SULF2: variants seen among roughly 807,000 people sequenced by gnomAD.
SULF2 encodes the protein sulfatase 2, also known as extracellular sulfatase Sulf-2.
Under a neutral mutation model 107.7 loss-of-function variants are expected in SULF2, and 52 were observed. That is an observed-to-expected ratio of 0.48 (90% CI 0.39 to 0.61). The LOEUF is 0.61. SULF2 is among the 20% of genes least tolerant of loss of function. The pLI is 0.00. For synonymous variants in SULF2, 460 were observed against 464.3 expected (o/e 0.99, Z 0.12); for missense variants, 993 against 1,177.3 (o/e 0.84, Z 2.29).
intron 4 of SULF2, among the ~76,000 whole-genome samples, chr20:47,701,325 T>C (rs2088561388): frequency 1.3e-5 from 2 of 152,182 alleles, no homozygotes; most frequent in African/African-American, 4.8e-5. Context: ...CTCTATGTCT[T>C]GATCGGAGCC....
At chr20:47,742,537 C>A (rs931037804) in intron 2 of SULF2, among the ~76,000 whole-genome samples, 1 of 152,110 alleles carries the variant, frequency 6.6e-6, no homozygotes, top group Non-Finnish European at 1.5e-5. Context: ...CCCAAACCAC[C>A]CAACTGCTAG....
chr20:47,668,614 C>T (rs190854027), intron 11 of SULF2, among the ~76,000 whole-genome samples: 1 of 152,356 alleles, frequency 6.6e-6, no homozygotes, highest in African/African-American at 2.4e-5. Context: ...GGTAACTTCT[C>T]AGGATGGTGC....
rs192092720 is a variant in SULF2 at position 47,776,756 on chromosome 20, C to T, written c.-101+8587G>A. The stretch of plus-strand genomic sequence containing the variant: ...GGTCCCTGCCGTGGCATAAAGGGGA[C>T]GATCCTTCCTCTGCAAGCAATGCTA... On this transcript the variant is annotated intron_variant, in intron 1 of 20. Coordinates refer to ENST00000688720, the MANE Select transcript of SULF2 (RefSeq NM_001387048.1). 3.3e-5 allele frequency among the ~76,000 whole-genome samples: 5 copies of T among 152,306 alleles called. No individual in the cohort carries two copies. In the East Asian group the frequency reaches 5.8e-4, roughly 18 times the overall value.
chr20:47,687,631 C>T lies in SULF2; in HGVS notation c.737+2495G>A, dbSNP rs180863999. Among the ~76,000 whole-genome samples, 6 of 151,824 alleles carry T rather than the reference C, an allele frequency of 4.0e-5. No homozygotes were observed. The East Asian group carries it at 7.7e-4, about 20-fold the overall frequency. On this transcript the variant is annotated intron_variant, in intron 5 of 20. Transcript: ENST00000688720. ...GGCACGCCTGTGTGTATCTTTGTAT[C>T]TCTGCCTATGTCTTTGTTTGCGTGT... is the stretch of plus-strand genomic sequence containing the variant.
rs1193330564 is a variant in SULF2, at chr20:47,785,448, C to CGCT, written c.-209_-207dup. 1.9e-4 allele frequency: 28 copies of CGCT among 150,798 alleles called. No homozygotes were observed. The highest frequency in any genetic ancestry group is 3.6e-4 in the South Asian group (2 of 5,506). 9.3% of individuals were successfully genotyped at this position (150,798 alleles called of 1,614,324 possible). ...GCAGGGGACTCCGCGCCGCCGCTGC[C>CGCT]GCTGCCGCCGCCGCCGCCGCCGCTG... is the stretch of plus-strand genomic sequence containing the variant. On this transcript the variant is annotated 5_prime_UTR_variant, in exon 1 of 21. Transcript: ENST00000688720.
chr20:47,713,980 C>T (rs1029022472), intron 3 of SULF2, among the ~76,000 whole-genome samples: 3 of 151,872 alleles, frequency 2.0e-5, no homozygotes, highest in South Asian at 2.1e-4. Flanking sequence ...ACAGTGAAGT[C>T]GGCTGAGCAT....
rs1568941808 is a variant in SULF2, at chr20:47,785,454, C to CCGCCGCT, written c.-213_-212insAGCGGCG. The CCGCCGCT allele has an allele frequency of 6.5e-6, 1 of 153,296 alleles. No homozygotes were observed. The highest frequency in any genetic ancestry group is 1.8e-4 in the South Asian group (1 of 5,686). 9.5% of individuals were successfully genotyped at this position (153,296 alleles called of 1,614,324 possible). ...GACTCCGCGCCGCCGCTGCCGCTGC[C>CCGCCGCT]GCCGCCGCCGCCGCCGCTGCCGCTG... On this transcript the variant is annotated 5_prime_UTR_variant, in exon 1 of 21. Transcript: ENST00000688720.
At position 47,677,146 on chromosome 20, in the gene SULF2, C is replaced by T; in HGVS notation, c.1194-12G>A. The T allele has an allele frequency of 6.2e-7, 1 of 1,613,324 alleles. No individual in the cohort carries two copies. Among genetic ancestry groups the T allele is most frequent in the Non-Finnish European group, 8.5e-7 (1 of 1,179,808 alleles). On this transcript the variant is annotated splice_polypyrimidine_tract_variant and intron_variant, in intron 8 of 20. Transcript: ENST00000688720. ...TTTTCAAGTGAAACCTGGAAAAAAG[C>T]ACGGCTCCTGCTTCTCAGCAACATG...
At chr20:47,717,223 C>T (rs2089150272) in intron 3 of SULF2, among the ~76,000 whole-genome samples, 2 of 152,172 alleles carry the variant, frequency 1.3e-5, no homozygotes, top group Admixed American at 1.3e-4. Context: ...CTGGTTTAGA[C>T]GATGACCTAC....
intron 3 of SULF2, among the ~76,000 whole-genome samples, chr20:47,719,147 C>T (rs759648557): frequency 1.1e-4 from 17 of 152,178 alleles, no homozygotes; most frequent in Admixed American, 2.0e-4. Flanking sequence ...TTTGAGCCAG[C>T]GCTACTTCGA....
chr20:47,764,893 G>A (rs916801770), intron 1 of SULF2, among the ~76,000 whole-genome samples: 2 of 152,134 alleles, frequency 1.3e-5, no homozygotes, highest in African/African-American at 4.8e-5. Flanking sequence ...GTGACCTCAC[G>A]CCACCCTTAC....
chr20:47,769,715 C>G (rs1380982558), intron 1 of SULF2, among the ~76,000 whole-genome samples: 2 of 152,132 alleles, frequency 1.3e-5, no homozygotes, highest in Non-Finnish European at 2.9e-5. Context: ...GATCAGACAC[C>G]AAAATAAATT....
chr20:47,686,169 G>A (rs2087996320), intron 5 of SULF2: 1 of 152,244 alleles, frequency 6.6e-6, no homozygotes, highest in Non-Finnish European at 1.5e-5. Flanking sequence ...AATCACGGGT[G>A]ACTCCACGGC....
rs895689516 is a variant in SULF2, at chr20:47,666,645, G to A, written c.1577-157C>T. On this transcript the variant is annotated intron_variant, in intron 11 of 20. Coordinates refer to ENST00000688720, the MANE Select transcript of SULF2 (RefSeq NM_001387048.1). The surrounding 1 kb of genome is among the most constrained non-coding windows in gnomAD (Gnocchi z 5.4). ...GGTCGTGGAATCTACCCGCCTGCTC[G>A]CAGATCCTGGACCGCAGGGGAGGGC... Among the ~76,000 whole-genome samples the A allele has an allele frequency of 2.6e-5, 4 of 152,202 alleles. No homozygotes were observed. Among genetic ancestry groups the A allele is most frequent in the African/African-American group, 4.8e-5 (2 of 41,448 alleles).
At chr20:47,751,418 T>C (rs1013724796) in intron 2 of SULF2, among the ~76,000 whole-genome samples, 2 of 152,246 alleles carry the variant, frequency 1.3e-5, no homozygotes, top group Non-Finnish European at 2.9e-5. Context: ...CCCCTGAATC[T>C]GGTTGACCAG....
At chr20:47,690,010 G>A in intron 5 of SULF2, 116 bp downstream of exon 5, 1 of 1,046,476 alleles carries the variant, frequency 9.6e-7, no homozygotes, top group Non-Finnish European at 1.2e-6. Flanking sequence ...CTTTAAACCA[G>A]GAGGATTAGA....
At chr20:47,761,295 C>G (rs2090413693) in intron 1 of SULF2, among the ~76,000 whole-genome samples, 1 of 152,178 alleles carries the variant, frequency 6.6e-6, no homozygotes, top group African/African-American at 2.4e-5. Context: ...GAATTCTGCC[C>G]TCCCTCACCG....
intron 1 of SULF2, among the ~76,000 whole-genome samples, chr20:47,781,146 G>A (rs1281889728): frequency 6.6e-6 from 1 of 152,272 alleles, no homozygotes. Context: ...CCTTCAGACA[G>A]TAAGGCAGAA....
At chr20:47,671,564 G>A (rs905317896) in intron 11 of SULF2, among the ~76,000 whole-genome samples, 1 of 151,576 alleles carries the variant, frequency 6.6e-6, no homozygotes, top group Non-Finnish European at 1.5e-5. Flanking sequence ...GTGAGCCACC[G>A]CGCCCAGCCC....
Sources: allele counts gnomAD v4.1 joint callset (sites outside exome capture counted in the v4.1 genomes callset), GRCh38; gene constraint gnomAD v4.1.1; non-coding constraint Gnocchi (gnomAD v3.1); transcripts MANE v1.5; gene names NCBI Gene and HGNC (gene_info 2026-07-23, HGNC 2026-07-21).